The following ARHGEF38 variants were observed in gnomAD, a reference collection of about 807,000 sequenced individuals.
ARHGEF38 encodes Rho guanine nucleotide exchange factor (GEF) 38.
A neutral mutation model predicts 79.9 loss-of-function variants in ARHGEF38; 79 were observed. That is an observed-to-expected ratio of 0.99 (90% confidence interval 0.82 to 1.19). The LOEUF is 1.19. ARHGEF38 is among the 50% of genes most tolerant of loss of function. The pLI, the probability that ARHGEF38 is intolerant of heterozygous loss-of-function variation, is 0.00. For missense variants in ARHGEF38, 962 were observed against 907.2 expected (o/e 1.06, Z -0.78); for synonymous variants, 366 against 328.3 (o/e 1.11, Z -1.24).
At chr4:105,564,346 G>C (rs556007179) in intron 1 of ARHGEF38, among the ~76,000 whole-genome samples, 1 of 152,036 alleles carries the variant, frequency 6.6e-6, no homozygotes, top group Non-Finnish European at 1.5e-5. Flanking sequence ...ATTCTGACAC[G>C]CTACTACATG....
intron 3 of ARHGEF38, among the ~76,000 whole-genome samples, chr4:105,628,708 C>T (rs1247670480): frequency 1.3e-5 from 2 of 152,144 alleles, no homozygotes; most frequent in Non-Finnish European, 2.9e-5. Context: ...CACACACACA[C>T]ATGCACACAA....
At chr4:105,654,671 G>GT (rs1234738019) in intron 8 of ARHGEF38, among the ~76,000 whole-genome samples, 1 of 152,168 alleles carries the variant, frequency 6.6e-6, no homozygotes, top group Non-Finnish European at 1.5e-5. Context: ...CCCATAAGAA[G>GT]TTGTCCTGAC....
chr4:105,657,883 A>G (rs1377384227), intron 9 of ARHGEF38, among the ~76,000 whole-genome samples: 1 of 152,232 alleles, frequency 6.6e-6, no homozygotes, highest in Non-Finnish European at 1.5e-5. Flanking sequence ...TGCTGCTCAG[A>G]TACTGATTCC....
At chr4:105,634,364 C>T (rs979062819) in intron 4 of ARHGEF38, among the ~76,000 whole-genome samples, 6 of 152,110 alleles carry the variant, frequency 3.9e-5, no homozygotes, top group Admixed American at 1.3e-4. Flanking sequence ...GCATCTATAG[C>T]CTACAAATTG....
intron 1 of ARHGEF38, among the ~76,000 whole-genome samples, chr4:105,562,803 G>T (rs1725701563): frequency 6.6e-6 from 1 of 152,172 alleles, no homozygotes; most frequent in Admixed American, 6.5e-5. Context: ...AGAGATTCGG[G>T]TGGAGGGGAA....
intron 1 of ARHGEF38, among the ~76,000 whole-genome samples, chr4:105,565,727 T>C (rs1296619875): frequency 1.3e-5 from 2 of 152,126 alleles, no homozygotes; most frequent in Non-Finnish European, 2.9e-5. Flanking sequence ...TATAATGAGA[T>C]AGAGCTGAGC....
At chr4:105,651,920 T>C (rs571296789) in intron 7 of ARHGEF38, among the ~76,000 whole-genome samples, 216 of 152,360 alleles carry the variant, frequency 1.4e-3, no homozygotes, top group African/African-American at 4.5e-3. Context: ...TCTAAACATA[T>C]TGTTTTCATT....
intron 1 of ARHGEF38, among the ~76,000 whole-genome samples, chr4:105,582,358 T>C (rs1726838997): frequency 6.6e-6 from 1 of 151,838 alleles, no homozygotes; most frequent in Non-Finnish European, 1.5e-5. Context: ...TTGCTTCTTT[T>C]CTTGTATATG....
intron 3 of ARHGEF38, among the ~76,000 whole-genome samples, chr4:105,630,564 T>C (rs1729141058): frequency 6.6e-6 from 1 of 152,176 alleles, no homozygotes; most frequent in Admixed American, 6.5e-5. Context: ...TTAACCGCAA[T>C]TCTGCACATC....
In ARHGEF38 at chr4:105,630,692, G is replaced by C. The variant is rs555716197; in HGVS notation, c.509-206G>C. ...AAAAGAAAAGACAGAAAAAGAGAAG[G>C]AGCAAAGAAGGAAAGCAGGGAGAGA... On this transcript the variant is annotated intron_variant, in intron 3 of 13. Coordinates refer to ENST00000420470, the MANE Select transcript of ARHGEF38 (RefSeq NM_001242729.2). Among the ~76,000 whole-genome samples, 14 of 152,040 alleles carry C rather than the reference G, an allele frequency of 9.2e-5. No individual in the cohort carries two copies. In the South Asian group the frequency reaches 2.9e-3, roughly 32 times the overall value.
chr4:105,636,623 T>C (rs1023386024), intron 5 of ARHGEF38, among the ~76,000 whole-genome samples: 1 of 152,030 alleles, frequency 6.6e-6, no homozygotes. Context: ...CCAAACCTTT[T>C]AGAAGAATCC....
chr4:105,633,593 C>T (rs916000409), intron 4 of ARHGEF38, among the ~76,000 whole-genome samples: 21 of 152,026 alleles, frequency 1.4e-4, no homozygotes, highest in African/African-American at 4.1e-4. Flanking sequence ...AATCTTTGTT[C>T]GAAGCAATAT....
chr4:105,629,708 TG>T (rs1199666532), intron 3 of ARHGEF38, among the ~76,000 whole-genome samples: 1 of 151,938 alleles, frequency 6.6e-6, no homozygotes, highest in Non-Finnish European at 1.5e-5. Flanking sequence ...AGTAATGAAG[TG>T]TGGATCAAAT....
intron 2 of ARHGEF38, among the ~76,000 whole-genome samples, chr4:105,598,460 T>A (rs1302828626): frequency 6.6e-6 from 1 of 152,148 alleles, no homozygotes; most frequent in African/African-American, 2.4e-5. Context: ...CTGGGAGAAA[T>A]GACTCAAAAG....
chr4:105,642,394 TA>T (rs1285114337), intron 5 of ARHGEF38, among the ~76,000 whole-genome samples: 1 of 152,162 alleles, frequency 6.6e-6, no homozygotes, highest in Non-Finnish European at 1.5e-5. Context: ...CAATCATGTA[TA>T]AATACTATTA....
In ARHGEF38 at chr4:105,603,270, C is replaced by T. The variant is rs79971828; in HGVS notation, c.385-10114C>T. Among the ~76,000 whole-genome samples the T allele has an allele frequency of 4.5e-3, 680 of 152,196 alleles. 7 individuals carry two copies. Among genetic ancestry groups the T allele is most frequent in the African/African-American group, 0.015 (635 of 41,522 alleles). ...AGCAGGTTTAAGTGTTCCTAGTTGA[C>T]TAATGAGGAAACCAAGGAACAAAGA... On this transcript the variant is annotated intron_variant, in intron 2 of 13. Coordinates refer to ENST00000420470, the MANE Select transcript of ARHGEF38 (RefSeq NM_001242729.2).
intron 1 of ARHGEF38, among the ~76,000 whole-genome samples, chr4:105,564,166 G>A (rs1725772139): frequency 6.6e-6 from 1 of 152,126 alleles, no homozygotes; most frequent in African/African-American, 2.4e-5. Flanking sequence ...AGATTTTACA[G>A]ACAATCTATT....
In ARHGEF38 at chr4:105,676,846, A is replaced by C. The variant is rs547613456; in HGVS notation, c.2149-906A>C. Among the ~76,000 whole-genome samples the C allele has an allele frequency of 6.6e-5, 10 of 152,298 alleles. No homozygotes were observed. In the East Asian group the frequency reaches 1.5e-3, roughly 23 times the overall value. Reference sequence around the variant, plus strand: ...TAATTGTACCATTCAAAGAAACAATAATATTAGACTTATATCGTACATCTA... The same window carrying C: ...TAATTGTACCATTCAAAGAAACAATCATATTAGACTTATATCGTACATCTA... On this transcript the variant is annotated intron_variant, in intron 13 of 13. Transcript: ENST00000420470.
intron 10 of ARHGEF38, among the ~76,000 whole-genome samples, chr4:105,663,603 A>C (rs1319848235): frequency 1.3e-5 from 2 of 152,184 alleles, no homozygotes; most frequent in Non-Finnish European, 1.5e-5. Flanking sequence ...TAATGTCCTC[A>C]AGATTCATTC....
Sources: allele counts gnomAD v4.1 joint callset (sites outside exome capture counted in the v4.1 genomes callset), GRCh38; gene constraint gnomAD v4.1.1; transcripts MANE v1.5; gene names NCBI Gene and HGNC (gene_info 2026-07-23, HGNC 2026-07-21).